The following KCNT2 variants were observed in gnomAD, a reference collection of about 807,000 sequenced individuals.
The protein encoded by KCNT2 is potassium channel subfamily T member 2.
Under a neutral mutation model 153.8 loss-of-function variants are expected in KCNT2, and 67 were observed. That is an observed-to-expected ratio of 0.44 (90% CI 0.36 to 0.53). The LOEUF (loss-of-function observed/expected upper bound fraction) is 0.53. KCNT2 is among the 20% of genes least tolerant of loss of function. The probability of loss-of-function intolerance (pLI) is 0.00; values close to 1 mark genes in which losing one functional copy is unlikely to be tolerated. For missense variants in KCNT2, 975 were observed against 1,354.8 expected (o/e 0.72, Z 4.40); for synonymous variants, 500 against 458.8 (o/e 1.09, Z -1.15).
chr1:196,350,071 G>A (rs536355377), intron 14 of KCNT2, among the ~76,000 whole-genome samples: 2 of 152,218 alleles, frequency 1.3e-5, no homozygotes, highest in Admixed American at 1.3e-4. Flanking sequence ...ATTCCATGGT[G>A]TATATGTGCC....
intron 8 of KCNT2, among the ~76,000 whole-genome samples, chr1:196,457,276 T>C (rs956718138): frequency 1.1e-4 from 17 of 151,732 alleles, no homozygotes; most frequent in African/African-American, 4.1e-4. Flanking sequence ...TTGGTTCATA[T>C]AATGAATTGT....
chr1:196,249,456 G>A (rs970017614), intron 26 of KCNT2, among the ~76,000 whole-genome samples: 1 of 152,100 alleles, frequency 6.6e-6, no homozygotes, highest in South Asian at 2.1e-4. Context: ...ATTCAGTAAA[G>A]TTGCAGGGTA....
chr1:196,553,545 G>A (rs1658232697), intron 1 of KCNT2, among the ~76,000 whole-genome samples: 1 of 150,926 alleles, frequency 6.6e-6, no homozygotes, highest in Non-Finnish European at 1.5e-5. Context: ...ACTAATAGCT[G>A]ATTAAACACA....
chr1:196,433,198 G>T (rs1236821135), intron 8 of KCNT2, among the ~76,000 whole-genome samples: 1 of 152,018 alleles, frequency 6.6e-6, no homozygotes, highest in African/African-American at 2.4e-5. Context: ...CAGCCTTCAG[G>T]ATTGTGAAAA....
At chr1:196,552,071 C>T (rs1347842092) in intron 1 of KCNT2, among the ~76,000 whole-genome samples, 1 of 151,422 alleles carries the variant, frequency 6.6e-6, no homozygotes, top group Non-Finnish European at 1.5e-5. Flanking sequence ...GTTCTCCCTC[C>T]TATTCTCTTC....
At chr1:196,349,699 T>A (rs192575366) in intron 14 of KCNT2, among the ~76,000 whole-genome samples, 261 of 151,794 alleles carry the variant, frequency 1.7e-3, no homozygotes, top group African/African-American at 6.0e-3. Context: ...TTATTTTTTA[T>A]TCTTTTATTT....
chr1:196,245,627 G>A (rs570004838), intron 26 of KCNT2, among the ~76,000 whole-genome samples: 31 of 152,210 alleles, frequency 2.0e-4, no homozygotes, highest in African/African-American at 7.5e-4. Context: ...ATAACACAGA[G>A]AAGGAATTCA....
chr1:196,288,397 T>G (rs1316182269), intron 22 of KCNT2, among the ~76,000 whole-genome samples: 1 of 152,080 alleles, frequency 6.6e-6, no homozygotes. Flanking sequence ...TGAAACCATG[T>G]TAAGTATTTT....
At chr1:196,578,632 C>CT (rs1242011911) in intron 1 of KCNT2, among the ~76,000 whole-genome samples, 1 of 152,068 alleles carries the variant, frequency 6.6e-6, no homozygotes, top group Non-Finnish European at 1.5e-5. Flanking sequence ...ATGAAGAATT[C>CT]TTTTACAATT....
chr1:196,438,741 T>G (rs781471459), intron 8 of KCNT2, among the ~76,000 whole-genome samples: 2 of 151,896 alleles, frequency 1.3e-5, no homozygotes, highest in Non-Finnish European at 2.9e-5. Context: ...AGGATTTCAT[T>G]TGTGATTATA....
chr1:196,544,736 A>G (rs2148881759), intron 1 of KCNT2, among the ~76,000 whole-genome samples: 1 of 152,146 alleles, frequency 6.6e-6, no homozygotes, highest in South Asian at 2.1e-4. Flanking sequence ...TTTCATCCTA[A>G]TTTGTTTTCA....
At chr1:196,426,080 TATG>T in intron 10 of KCNT2, 92 bp from the exon 11 acceptor site, 1 of 982,842 alleles carries the variant, frequency 1.0e-6, no homozygotes, top group Non-Finnish European at 1.5e-6. Context: ...AAATTTGAAA[TATG>T]ATAAAACTGA....
chr1:196,296,656 A>T (rs1424689858), intron 22 of KCNT2, among the ~76,000 whole-genome samples: 2 of 152,158 alleles, frequency 1.3e-5, no homozygotes, highest in African/African-American at 4.8e-5. Context: ...AACAAGAAAG[A>T]TACTTAAAAT....
rs1653627169 is a variant in KCNT2, at chr1:196,228,070, A to T, written c.*154T>A. 3 of 553,192 alleles carry T rather than the reference A, an allele frequency of 5.4e-6. No homozygotes were observed. In the South Asian group the frequency reaches 7.5e-5, roughly 14 times the overall value. 34.3% of individuals were successfully genotyped at this position (553,192 alleles called of 1,614,324 possible). ...GAGAGTACCAGTAAGTAGTACATTA[A>T]GTTTCAAAATGATCTATACTTCTAA... On this transcript the variant is annotated 3_prime_UTR_variant, in exon 28 of 28. Coordinates refer to ENST00000294725, the MANE Select transcript of KCNT2 (RefSeq NM_198503.5).
chr1:196,500,305 G>T (rs1680592632), intron 1 of KCNT2, among the ~76,000 whole-genome samples: 1 of 119,382 alleles, frequency 8.4e-6, no homozygotes, highest in East Asian at 2.8e-4. Flanking sequence ...AGGGAGGGAG[G>T]GAGGGAGGGA....
intron 26 of KCNT2, among the ~76,000 whole-genome samples, chr1:196,238,643 G>T (rs143140156): frequency 2.0e-5 from 3 of 151,868 alleles, no homozygotes; most frequent in East Asian, 3.9e-4. Context: ...CTTGTTCTCT[G>T]CCATGCTGCT....
At chr1:196,518,478 T>TAAAAAAAAAAAAA (rs35962682) in intron 1 of KCNT2, among the ~76,000 whole-genome samples, 2 of 126,354 alleles carry the variant, frequency 1.6e-5, no homozygotes, top group Non-Finnish European at 1.7e-5. Flanking sequence ...AAGCTGGATT[T>TAAAAAAAAAAAAA]AAAAAAAAAA....
intron 8 of KCNT2, among the ~76,000 whole-genome samples, chr1:196,446,206 C>G (rs1276424539): frequency 6.6e-6 from 1 of 151,064 alleles, no homozygotes; most frequent in East Asian, 2.0e-4. Context: ...AAACACATGA[C>G]AAAAAAATTA....
intron 1 of KCNT2, among the ~76,000 whole-genome samples, chr1:196,602,856 G>A (rs1378889922): frequency 7.7e-6 from 1 of 129,306 alleles, no homozygotes; most frequent in African/African-American, 3.0e-5. Context: ...GCGCAATCTC[G>A]GCTCACTGCA....
Sources: gnomAD v4.1 joint callset for allele counts (sites outside exome capture counted in the v4.1 genomes callset) on GRCh38, gnomAD v4.1.1 for gene constraint, MANE v1.5 for transcripts, NCBI Gene and HGNC (gene_info 2026-07-23, HGNC 2026-07-21) for gene names.